Variants in ABCF1 observed in about 807,000 individuals in gnomAD.
ABCF1 encodes ATP binding cassette subfamily F member 1, also known as ATP-binding cassette sub-family F member 1.
ABCF1 carries 73 observed loss-of-function variants against 126.3 expected under a neutral mutation model. The ratio of observed to expected loss-of-function variants is 0.58; its 90% CI spans 0.48 to 0.70. ABCF1 has a LOEUF of 0.70. Ranked by LOEUF, ABCF1 falls within the 30% of genes least tolerant of loss-of-function variation. The pLI is 0.00. For missense variants in ABCF1, 786 were observed against 1,057.5 expected (o/e 0.74, Z 3.56); for synonymous variants, 345 against 396.4 (o/e 0.87, Z 1.54).
At chr6:30,582,609 C>T (rs1801883704) in intron 9 of ABCF1, 102 bp downstream of exon 9, 2 of 1,158,144 alleles carry the variant, frequency 1.7e-6, no homozygotes, top group East Asian at 4.7e-5. Context: ...GGGGCTACTC[C>T]AAGTAAAACA....
rs751648823 is a variant in ABCF1, at chr6:30,589,923, C to T, written c.2182C>T (p.Arg728Cys). ...PYQDARKCLGRFGLESHAHTI... is the reference protein window; with the variant it reads ...PYQDARKCLGCFGLESHAHTI... ...CCAGGATGCCCGCAAGTGCCTGGGC[C>T]GCTTCGGCCTGGAGAGTCACGCCCA... Residue 728 changes from arginine to cysteine, a missense_variant, in exon 22 of 25, where the codon CGC (arginine) becomes TGC (cysteine). Around this residue, in one of 4 missense-constraint regions of ABCF1, gnomAD observed 288 missense variants for 423.5 expected, o/e 0.68. Transcript: ENST00000326195. The T allele has an allele frequency of 1.2e-5, 19 of 1,614,086 alleles. No individual in the cohort carries two copies. The highest frequency in any genetic ancestry group is 6.7e-5 in the East Asian group (3 of 44,874).
chr6:30,577,734 C>A lies in ABCF1; in HGVS notation c.121-84C>A, dbSNP rs186327557. The A allele has an allele frequency of 4.0e-5, 53 of 1,321,710 alleles. No individual in the cohort carries two copies. The African/African-American group carries it at 5.5e-4, about 14-fold the overall frequency. The allele number at this position is 1,321,710 out of a possible 1,614,324, so 81.9% of individuals were successfully genotyped here. ...GGTAAGGTGAGGGTGGAGTGGAGGGCCAGTGGGCCAATGTGTGGCAGAGCA... is the reference window on the plus strand; with the variant it reads ...GGTAAGGTGAGGGTGGAGTGGAGGGACAGTGGGCCAATGTGTGGCAGAGCA... On this transcript the variant is annotated intron_variant, in intron 2 of 24. Coordinates refer to ENST00000326195, the MANE Select transcript of ABCF1 (RefSeq NM_001025091.2).
rs1175194601 is a variant in ABCF1 at position 30,571,575 on chromosome 6, C to A, written c.73+15C>A. On this transcript the variant is annotated intron_variant, in intron 1 of 24. Transcript: ENST00000326195. ...GAGCCCATCAGGTGAGGCTGGTAGG[C>A]AAGGAAGAAACGAGCAGAGGGGGAA... 8 of 1,607,294 alleles carry A rather than the reference C, an allele frequency of 5.0e-6. No homozygotes were observed. In the Admixed American group the frequency reaches 1.3e-4, roughly 27 times the overall value.
chr6:30,585,326 T>C lies in ABCF1; in HGVS notation c.1458T>C (p.Ala486=), dbSNP rs1249942598. 6.2e-7 allele frequency: 1 copy of C among 1,612,818 alleles called. No individual in the cohort carries two copies. The highest frequency in any genetic ancestry group is 1.7e-5 in the Admixed American group (1 of 59,930). The change falls in exon 15 of 25, where the codon GCT becomes GCC. Residue 486 remains alanine (A), a synonymous_variant. Transcript: ENST00000326195. ...CCACCAACCACCTGGACCTCAACGC[T>C]GTCATCTGGCTTAATAAGTGCGTTA... ...DEPTNHLDLN[A]VIWLNNYLQG...
At position 30,586,599 on chromosome 6, in the gene ABCF1, GTC is replaced by G. The variant is rs774289209; in HGVS notation, c.1961-38_1961-37del. 1 of 1,613,154 alleles carries G rather than the reference GTC, an allele frequency of 6.2e-7. No individual in the cohort carries two copies. The highest frequency in any genetic ancestry group is 8.5e-7 in the Non-Finnish European group (1 of 1,179,802). ...ATGTGTAGCAGGAGCCACAGGGAGAGTCTCTGGGGACCTCTTTGACCACCTGT... is the reference window on the plus strand; with the variant it reads ...ATGTGTAGCAGGAGCCACAGGGAGAGTCTGGGGACCTCTTTGACCACCTGT... On this transcript the variant is annotated intron_variant, in intron 19 of 24. Transcript: ENST00000326195. This position sits in a 1 kb window ranked among gnomAD's most constrained non-coding sequence, Gnocchi z 4.9.
In ABCF1 at chr6:30,584,647, A is replaced by T; in HGVS notation, c.1391+81A>T. On this transcript the variant is annotated intron_variant, in intron 14 of 24. Transcript: ENST00000326195. This position sits in a 1 kb window ranked among gnomAD's most constrained non-coding sequence, Gnocchi z 4.6. ...TCCTCTTTCCCTTCTCATTCTTCCAAGGCCAATAGGGAGGCTCAAGGCTTA... is the reference window on the plus strand; with the variant it reads ...TCCTCTTTCCCTTCTCATTCTTCCATGGCCAATAGGGAGGCTCAAGGCTTA... 1 of 1,497,960 alleles carries T rather than the reference A, an allele frequency of 6.7e-7. No homozygotes were observed. The highest frequency in any genetic ancestry group is 8.9e-7 in the Non-Finnish European group (1 of 1,125,662). 92.8% of individuals were successfully genotyped at this position (1,497,960 alleles called of 1,614,324 possible).
chr6:30,586,177 G>C lies in ABCF1; in HGVS notation c.1757G>C (p.Cys586Ser). 6.2e-7 allele frequency: 1 copy of C among 1,613,982 alleles called. No homozygotes were observed. The highest frequency in any genetic ancestry group is 8.5e-7 in the Non-Finnish European group (1 of 1,179,932). ...KEALTRKQQK[C>S]RRKNQDEESQ... ...GCCCTGACTCGGAAGCAGCAGAAAT[G>C]CCGACGGAAAAACCAAGATGAGGAA... Residue 586 changes from cysteine (C) to serine (S), a missense_variant, in exon 18 of 25, where the codon TGC (cysteine) becomes TCC (serine). This residue lies in a region of ABCF1 where 288 missense variants were observed against 423.5 expected (regional missense o/e 0.68). Coordinates refer to ENST00000326195, the MANE Select transcript of ABCF1 (RefSeq NM_001025091.2). This position sits in a 1 kb window ranked among gnomAD's most constrained non-coding sequence, Gnocchi z 4.9.
intron 6 of ABCF1, among the ~76,000 whole-genome samples, chr6:30,579,255 C>T (rs1307793229): frequency 6.6e-6 from 1 of 152,042 alleles, no homozygotes; most frequent in Non-Finnish European, 1.5e-5. Flanking sequence ...GTTATCTCTT[C>T]GCTATCTAGT....
chr6:30,580,329 A>C, intron 7 of ABCF1, 77 bp from the exon 8 acceptor site: 1 of 1,094,166 alleles, frequency 9.1e-7, no homozygotes, highest in Non-Finnish European at 1.3e-6. Flanking sequence ...CCTGGGTGAC[A>C]GAGCGAGACT....
At chr6:30,578,613 A>G in intron 6 of ABCF1, 36 bp downstream of exon 6, 4 of 1,565,858 alleles carry the variant, frequency 2.6e-6, no homozygotes, top group Non-Finnish European at 3.5e-6. Flanking sequence ...CTCTCACTCC[A>G]TTTAGCACCT....
chr6:30,578,291 T>TG (rs1231352257), intron 4 of ABCF1, 57 bp from the exon 5 acceptor site: 1 of 1,613,606 alleles, frequency 6.2e-7, no homozygotes, highest in African/African-American at 1.3e-5. Flanking sequence ...TGGATTCAAT[T>TG]GGGGGGCCAG....
At chr6:30,578,993 C>G (rs1245930296) in intron 6 of ABCF1, among the ~76,000 whole-genome samples, 1 of 151,592 alleles carries the variant, frequency 6.6e-6, no homozygotes, top group Non-Finnish European at 1.5e-5. Flanking sequence ...GAGCAAGACT[C>G]AGTCTCAAAA....
intron 1 of ABCF1, among the ~76,000 whole-genome samples, chr6:30,573,266 G>A (rs1801346439): frequency 6.6e-6 from 1 of 152,236 alleles, no homozygotes; most frequent in Non-Finnish European, 1.5e-5. Context: ...TGACACTTAA[G>A]TAACCCAGTG....
intron 4 of ABCF1, 59 bp from the exon 5 acceptor site, chr6:30,578,289 A>C (rs149195559): frequency 8.7e-6 from 14 of 1,613,800 alleles, no homozygotes; most frequent in Non-Finnish European, 1.2e-5. Context: ...GTTGGATTCA[A>C]TTGGGGGGCC....
intron 16 of ABCF1, 41 bp downstream of exon 16, chr6:30,585,723 C>G: frequency 1.2e-6 from 2 of 1,607,336 alleles, no homozygotes; most frequent in Non-Finnish European, 1.7e-6. Flanking sequence ...GAGATAGAAC[C>G]TCGAAAAGAG....
chr6:30,572,761 A>G (rs776971408), intron 1 of ABCF1, among the ~76,000 whole-genome samples: 18 of 152,328 alleles, frequency 1.2e-4, no homozygotes, highest in South Asian at 8.3e-4. Flanking sequence ...TCAGCCTCCA[A>G]AAGTGCTGGG....
In ABCF1 at chr6:30,583,333, A is replaced by G. The variant is rs1475641134; in HGVS notation, c.915+145A>G. Reference sequence around the variant, plus strand: ...ATTTTCCACACCTTAGGTTCTGCCAACTTGAGCAAGAAGATAGAAAAACCA... The same window carrying G: ...ATTTTCCACACCTTAGGTTCTGCCAGCTTGAGCAAGAAGATAGAAAAACCA... On this transcript the variant is annotated intron_variant, in intron 10 of 24. Coordinates refer to ENST00000326195, the MANE Select transcript of ABCF1 (RefSeq NM_001025091.2). This position sits in a 1 kb window ranked among gnomAD's most constrained non-coding sequence, Gnocchi z 4.1. 8.1e-7 allele frequency: 1 copy of G among 1,234,810 alleles called. No homozygotes were observed. Among genetic ancestry groups the G allele is most frequent in the South Asian group, 1.5e-5 (1 of 66,522 alleles). 76.5% of individuals were successfully genotyped at this position (1,234,810 alleles called of 1,614,324 possible).
At position 30,580,148 on chromosome 6, in the gene ABCF1, C is replaced by T. The variant is rs1021939212; in HGVS notation, c.564+143C>T. The T allele has an allele frequency of 4.0e-5, 32 of 801,016 alleles. No homozygotes were observed. The African/African-American group carries it at 5.0e-4, about 12-fold the overall frequency. 49.6% of individuals were successfully genotyped at this position (801,016 alleles called of 1,614,324 possible). ...GATCACGAGGTCAGGAGATCGAGAC[C>T]ATCCTGGTAACACGGTAAAACCCCG... On this transcript the variant is annotated intron_variant, in intron 7 of 24. Coordinates refer to ENST00000326195, the MANE Select transcript of ABCF1 (RefSeq NM_001025091.2).
intron 6 of ABCF1, among the ~76,000 whole-genome samples, chr6:30,578,927 G>A (rs528390092): frequency 6.6e-6 from 1 of 152,192 alleles, no homozygotes; most frequent in South Asian, 2.1e-4. Flanking sequence ...TTGAACTTGG[G>A]AGGTGGAATT....
Sources: allele counts gnomAD v4.1 joint callset (sites outside exome capture counted in the v4.1 genomes callset), GRCh38; gene constraint gnomAD v4.1.1; regional missense constraint gnomAD v4.1.1; non-coding constraint Gnocchi (gnomAD v3.1); transcripts MANE v1.5; gene names NCBI Gene and HGNC (gene_info 2026-07-23, HGNC 2026-07-21).